The following TTC31 variants were observed in gnomAD, a reference collection of about 807,000 sequenced individuals.
TTC31 encodes the protein tetratricopeptide repeat domain 31.
In TTC31, 59 loss-of-function variants were observed where a neutral mutation model predicts 60.4. The ratio of observed to expected loss-of-function variants is 0.98; its 90% CI spans 0.79 to 1.21. The LOEUF is 1.21. Among genes scored for constraint, TTC31 ranks in the 50% most tolerant of loss-of-function variants. The pLI is 0.00. For synonymous variants in TTC31, 225 were observed against 249.6 expected, an observed-to-expected ratio of 0.90 and a Z score of 0.93; for missense variants, 672 against 646.9, an observed-to-expected ratio of 1.04 and a Z score of -0.42.
chr2:74,492,317 C>G lies in TTC31; in HGVS notation c.1033C>G (p.Arg345Gly). The G allele has an allele frequency of 6.3e-7, 1 of 1,592,100 alleles. No homozygotes were observed. The highest frequency in any genetic ancestry group is 8.6e-7 in the Non-Finnish European group (1 of 1,165,426). Residue 345 changes from arginine to glycine, a missense_variant, in exon 11 of 13, where the codon CGT becomes GGT. Arg to Gly is a moderately radical substitution (Grantham distance 125). Transcript: ENST00000233623. ...NPQDHRLFGNRSFCHERLGQP... is the reference protein window; with the variant it reads ...NPQDHRLFGNGSFCHERLGQP... ...TGTCTTTATCAGGTTATTTGGAAAT[C>G]GTTCCTTCTGCCATGAGCGGTTGGG...
chr2:74,484,236 C>CA (rs1199695002), intron 2 of TTC31, among the ~76,000 whole-genome samples: 85 of 143,258 alleles, frequency 5.9e-4, no homozygotes, highest in South Asian at 1.1e-3. Context: ...GACTCCATTT[C>CA]AAAAAAAAAA....
intron 12 of TTC31, 33 bp downstream of exon 12, chr2:74,492,780 C>T (rs763195698): frequency 2.9e-5 from 47 of 1,608,280 alleles, no homozygotes; most frequent in East Asian, 2.7e-4. Flanking sequence ...CATGCTGAGG[C>T]GGGTATCAGG....
intron 8 of TTC31, 134 bp from the exon 9 acceptor site, chr2:74,491,870 C>T (rs1673935831): frequency 1.3e-6 from 2 of 1,485,970 alleles, no homozygotes; most frequent in African/African-American, 1.4e-5. Flanking sequence ...AGGGCTGATA[C>T]CATCTTGTAG....
intron 2 of TTC31, among the ~76,000 whole-genome samples, chr2:74,489,777 G>T (rs1214468176): frequency 6.6e-6 from 1 of 152,130 alleles, no homozygotes; most frequent in Non-Finnish European, 1.5e-5. Context: ...GGTAGAGGAG[G>T]CCAGGTTGAA....
At chr2:74,492,095 TG>T (rs1273355299) in intron 9 of TTC31, 40 bp downstream of exon 9, 1 of 1,614,110 alleles carries the variant, frequency 6.2e-7, no homozygotes, top group East Asian at 2.2e-5. Context: ...CCACCCTCCC[TG>T]GGGTAGCCCC....
Sources: allele counts gnomAD v4.1 joint callset (sites outside exome capture counted in the v4.1 genomes callset), GRCh38; gene constraint gnomAD v4.1.1; transcripts MANE v1.5; gene names NCBI Gene and HGNC (gene_info 2026-07-23, HGNC 2026-07-21).